CBLB: variants seen among roughly 807,000 people sequenced by gnomAD.
The protein encoded by CBLB is E3 ubiquitin-protein ligase CBL-B.
Under a neutral mutation model 104.9 loss-of-function variants are expected in CBLB, and 31 were observed. The ratio of observed to expected loss-of-function variants is 0.30; its 90% confidence interval spans 0.22 to 0.40. The LOEUF is 0.40. Ranked by LOEUF, CBLB falls within the 10% of genes least tolerant of loss-of-function variation. CBLB has a pLI of 1.00. For synonymous variants in CBLB, 440 were observed against 422.6 expected (o/e 1.04, Z -0.51); for missense variants, 1,062 against 1,214.6 (o/e 0.87, Z 1.87).
rs775534063 is a variant in CBLB, at chr3:105,681,624, C to T, written c.2297-14G>A. ...CAAAAACATCTCCTAGAGGATAACA[C>T]AAAACCTTAATGTATTTTCAGTACA... On this transcript the variant is annotated splice_polypyrimidine_tract_variant and intron_variant, in intron 15 of 18. Transcript: ENST00000394030. 1.9e-6 allele frequency: 3 copies of T among 1,613,936 alleles called. No homozygotes were observed. The highest frequency in any genetic ancestry group is 2.5e-6 in the Non-Finnish European group (3 of 1,179,974).
At chr3:105,824,980 A>C (rs2153065952) in intron 3 of CBLB, among the ~76,000 whole-genome samples, 1 of 152,306 alleles carries the variant, frequency 6.6e-6, no homozygotes, top group East Asian at 1.9e-4. Flanking sequence ...CTATAAAGGC[A>C]TCTCTCCTTT....
At chr3:105,817,580 T>C (rs1481088704) in intron 3 of CBLB, among the ~76,000 whole-genome samples, 2 of 152,164 alleles carry the variant, frequency 1.3e-5, no homozygotes, top group African/African-American at 4.8e-5. Flanking sequence ...TCTAAAAAAC[T>C]ATCGGGAGAT....
chr3:105,705,086 G>A (rs1221980353), intron 10 of CBLB, among the ~76,000 whole-genome samples: 1 of 152,138 alleles, frequency 6.6e-6, no homozygotes, highest in African/African-American at 2.4e-5. Context: ...TAGACTTAAT[G>A]TTTACAACAC....
chr3:105,704,993 A>G (rs989767106), intron 10 of CBLB, among the ~76,000 whole-genome samples: 1 of 152,086 alleles, frequency 6.6e-6, no homozygotes, highest in Non-Finnish European at 1.5e-5. Context: ...ACAGTTAATC[A>G]AGTAGCCTTA....
intron 12 of CBLB, among the ~76,000 whole-genome samples, chr3:105,696,507 T>TA (rs1368912089): frequency 6.6e-6 from 1 of 151,808 alleles, no homozygotes; most frequent in Non-Finnish European, 1.5e-5. Flanking sequence ...TTGCAAATGG[T>TA]AAAAAAGAAC....
chr3:105,668,686 C>A (rs1361155961), intron 18 of CBLB, among the ~76,000 whole-genome samples: 2 of 151,970 alleles, frequency 1.3e-5, no homozygotes, highest in East Asian at 3.9e-4. Context: ...AGAACACTGG[C>A]CAAAATTTGA....
intron 4 of CBLB, among the ~76,000 whole-genome samples, chr3:105,775,376 AAAACAAAAAC>A (rs1451023272): frequency 4.7e-5 from 7 of 149,080 alleles, no homozygotes; most frequent in Non-Finnish European, 1.0e-4. Context: ...AACAAAAACA[AAAACAAAAAC>A]AAACAAAGGA....
At chr3:105,844,903 C>A (rs2090035080) in intron 3 of CBLB, among the ~76,000 whole-genome samples, 1 of 152,146 alleles carries the variant, frequency 6.6e-6, no homozygotes, top group African/African-American at 2.4e-5. Flanking sequence ...TTGTAAGAAA[C>A]TGCCAAAGGA....
At chr3:105,687,386 G>T (rs1208913473) in intron 13 of CBLB, among the ~76,000 whole-genome samples, 1 of 152,004 alleles carries the variant, frequency 6.6e-6, no homozygotes, top group Non-Finnish European at 1.5e-5. Context: ...TACCTTCATT[G>T]ATAGAGAATT....
chr3:105,677,806 ATAT>A (rs1196163914), intron 17 of CBLB, among the ~76,000 whole-genome samples: 14 of 148,810 alleles, frequency 9.4e-5, no homozygotes, highest in East Asian at 5.8e-4. Context: ...TAAACAAATA[ATAT>A]TATATAATAT....
intron 2 of CBLB, among the ~76,000 whole-genome samples, chr3:105,860,481 T>G (rs553839188): frequency 6.6e-6 from 1 of 152,154 alleles, no homozygotes. Flanking sequence ...ACACAGACAT[T>G]AGAATCAAGC....
intron 3 of CBLB, among the ~76,000 whole-genome samples, chr3:105,835,481 G>C (rs935867908): frequency 1.3e-5 from 2 of 152,134 alleles, no homozygotes; most frequent in African/African-American, 4.8e-5. Context: ...TGATACTGAA[G>C]CCCAACTTAG....
chr3:105,835,510 T>C (rs2088336616), intron 3 of CBLB, among the ~76,000 whole-genome samples: 1 of 152,192 alleles, frequency 6.6e-6, no homozygotes, highest in African/African-American at 2.4e-5. Context: ...AATAGTATGA[T>C]TTAAAATTAA....
chr3:105,674,657 T>C (rs1237458870), intron 17 of CBLB, among the ~76,000 whole-genome samples: 1 of 152,200 alleles, frequency 6.6e-6, no homozygotes, highest in African/African-American at 2.4e-5. Flanking sequence ...TCTACTTCAA[T>C]CTACCAGCAA....
intron 17 of CBLB, among the ~76,000 whole-genome samples, chr3:105,677,513 T>A (rs1352886284): frequency 6.6e-6 from 1 of 151,948 alleles, no homozygotes; most frequent in East Asian, 1.9e-4. Flanking sequence ...ATTTTCATGA[T>A]TTATCTCATG....
intron 6 of CBLB, among the ~76,000 whole-genome samples, chr3:105,741,283 G>A (rs1319664940): frequency 6.6e-6 from 1 of 152,036 alleles, no homozygotes; most frequent in Non-Finnish European, 1.5e-5. Flanking sequence ...CCGCCTCCCA[G>A]GTTCAAGCGA....
intron 3 of CBLB, among the ~76,000 whole-genome samples, chr3:105,808,331 T>G (rs1357476559): frequency 6.6e-6 from 1 of 152,222 alleles, no homozygotes; most frequent in Non-Finnish European, 1.5e-5. Flanking sequence ...ACTATTCCTG[T>G]CCCACATCTT....
chr3:105,719,838 T>G (rs563744910), intron 10 of CBLB, among the ~76,000 whole-genome samples: 1 of 152,284 alleles, frequency 6.6e-6, no homozygotes, highest in African/African-American at 2.4e-5. Flanking sequence ...CCACGTGTGT[T>G]ACTGCCCCTG....
At chr3:105,747,211 C>G (rs11706886) in intron 5 of CBLB, among the ~76,000 whole-genome samples, 35,331 of 152,028 alleles carry the variant, frequency 0.23, 4,465 homozygotes, top group Non-Finnish European at 0.28. Flanking sequence ...TTCCAAGGAA[C>G]TGGCAGCATA....
Sources: gnomAD v4.1 joint callset for allele counts (sites outside exome capture counted in the v4.1 genomes callset) on GRCh38, gnomAD v4.1.1 for gene constraint, MANE v1.5 for transcripts, NCBI Gene and HGNC (gene_info 2026-07-23, HGNC 2026-07-21) for gene names.